The following RPA3 variants were observed in gnomAD, a reference collection of about 807,000 sequenced individuals.
RPA3 encodes replication protein A 14 kDa subunit.
A neutral mutation model predicts 13.7 loss-of-function variants in RPA3; 24 were observed. The observed-to-expected ratio is 1.75, with a 90% CI of 1.27 to 2.46. The LOEUF (loss-of-function observed/expected upper bound fraction) is 2.46, where lower values mean the gene tolerates loss of function less well. Ranked by LOEUF, RPA3 falls within the 30% of genes most tolerant of loss-of-function variation. The probability of loss-of-function intolerance (pLI) is 0.00; values close to 1 mark genes in which losing one functional copy is unlikely to be tolerated. For missense variants in RPA3, 183 were observed against 151.0 expected, an observed-to-expected ratio of 1.21 and a Z score of -1.11; for synonymous variants, 59 against 51.2, an observed-to-expected ratio of 1.15 and a Z score of -0.65.
chr7:7,695,385 G>C (rs1014480663), intron 2 of RPA3, among the ~76,000 whole-genome samples: 147 of 152,328 alleles, frequency 9.7e-4, no homozygotes, highest in Non-Finnish European at 1.1e-3. Context: ...AGGCTGTAGA[G>C]AGAGAAAAAT....
intron 4 of RPA3, among the ~76,000 whole-genome samples, chr7:7,650,323 T>C (rs1785196618): frequency 6.6e-6 from 1 of 152,244 alleles, no homozygotes; most frequent in African/African-American, 2.4e-5. Flanking sequence ...TCAGTTCATG[T>C]TTGTTTTTCT....
At chr7:7,668,685 C>A (rs1167508863) in intron 4 of RPA3, among the ~76,000 whole-genome samples, 2 of 152,100 alleles carry the variant, frequency 1.3e-5, no homozygotes, top group Non-Finnish European at 2.9e-5. Context: ...AAAAACATCA[C>A]CAACTTCTAA....
chr7:7,653,754 T>G (rs1486780678), intron 4 of RPA3, among the ~76,000 whole-genome samples: 1 of 152,200 alleles, frequency 6.6e-6, no homozygotes, highest in East Asian at 1.9e-4. Context: ...TCTTGTAATG[T>G]CTTGGTTCTC....
chr7:7,702,931 T>C (rs1410720314), intron 2 of RPA3, among the ~76,000 whole-genome samples: 1 of 152,244 alleles, frequency 6.6e-6, no homozygotes, highest in Non-Finnish European at 1.5e-5. Context: ...AAATCATTTA[T>C]TTTTCACTTG....
intron 4 of RPA3, among the ~76,000 whole-genome samples, chr7:7,683,055 A>T (rs1057465493): frequency 6.6e-6 from 1 of 152,190 alleles, no homozygotes; most frequent in Non-Finnish European, 1.5e-5. Context: ...AACTCCTTGA[A>T]TGTACAGTGA....
At chr7:7,711,463 C>CA (rs1554318315) in intron 2 of RPA3, among the ~76,000 whole-genome samples, 2 of 152,052 alleles carry the variant, frequency 1.3e-5, no homozygotes, top group African/African-American at 4.8e-5. Context: ...ATACTCTATC[C>CA]TTTTTAAGGA....
At chr7:7,671,590 T>C (rs1172341731) in intron 4 of RPA3, among the ~76,000 whole-genome samples, 1 of 152,222 alleles carries the variant, frequency 6.6e-6, no homozygotes, top group Non-Finnish European at 1.5e-5. Flanking sequence ...TAATTTGAAA[T>C]CTATTGTCTT....
At chr7:7,673,672 C>A (rs1308046250) in intron 4 of RPA3, among the ~76,000 whole-genome samples, 1 of 150,982 alleles carries the variant, frequency 6.6e-6, no homozygotes, top group South Asian at 2.1e-4. Context: ...TGGCTGTGTT[C>A]TCCAAGTTAA....
At chr7:7,650,526 T>C (rs188370153) in intron 4 of RPA3, among the ~76,000 whole-genome samples, 1 of 152,348 alleles carries the variant, frequency 6.6e-6, no homozygotes, top group Non-Finnish European at 1.5e-5. Context: ...TCCTCAGTTG[T>C]AACAGGATGG....
chr7:7,656,532 G>T (rs1412283029), intron 4 of RPA3, among the ~76,000 whole-genome samples: 1 of 152,032 alleles, frequency 6.6e-6, no homozygotes, highest in African/African-American at 2.4e-5. Flanking sequence ...TGTTCTCATT[G>T]CTCAACTCCC....
At chr7:7,689,162 T>A (rs1780111908) in intron 2 of RPA3, among the ~76,000 whole-genome samples, 1 of 152,054 alleles carries the variant, frequency 6.6e-6, no homozygotes, top group South Asian at 2.1e-4. Flanking sequence ...TTGCCAGTGA[T>A]TGGCTTAGGA....
chr7:7,699,159 C>A (rs113853974), intron 2 of RPA3, among the ~76,000 whole-genome samples: 4 of 152,002 alleles, frequency 2.6e-5, no homozygotes, highest in African/African-American at 9.6e-5. Flanking sequence ...TGGCTGGGTT[C>A]CCCCAACTCT....
intron 4 of RPA3, among the ~76,000 whole-genome samples, chr7:7,663,516 A>AG (rs1491443935): frequency 1.3e-5 from 2 of 151,746 alleles, no homozygotes; most frequent in African/African-American, 4.9e-5. Flanking sequence ...ACGGAAAAAC[A>AG]GGGGGAGAGT....
At chr7:7,689,589 T>C (rs910228787) in intron 2 of RPA3, 2 of 152,206 alleles carry the variant, frequency 1.3e-5, no homozygotes, top group African/African-American at 4.8e-5. Flanking sequence ...GATAATCTTT[T>C]CTTGGTAGAG....
At chr7:7,646,045 G>T (rs1287827196) in intron 4 of RPA3, among the ~76,000 whole-genome samples, 1 of 152,164 alleles carries the variant, frequency 6.6e-6, no homozygotes. Context: ...TGGGGTGAGT[G>T]ATTTGGGCCT....
At chr7:7,646,778 A>G (rs959546550) in intron 4 of RPA3, among the ~76,000 whole-genome samples, 1 of 151,762 alleles carries the variant, frequency 6.6e-6, no homozygotes, top group Non-Finnish European at 1.5e-5. Flanking sequence ...TCCCCTCGAC[A>G]CTCAGATGCT....
At chr7:7,654,026 C>T (rs1785285567) in intron 4 of RPA3, among the ~76,000 whole-genome samples, 1 of 152,152 alleles carries the variant, frequency 6.6e-6, no homozygotes, top group Non-Finnish European at 1.5e-5. Flanking sequence ...CTTTATTATT[C>T]CGTTCTGTTT....
chr7:7,653,830 A>G (rs1785281556), intron 4 of RPA3, among the ~76,000 whole-genome samples: 1 of 152,228 alleles, frequency 6.6e-6, no homozygotes, highest in Non-Finnish European at 1.5e-5. Context: ...TGGTTGTCAC[A>G]GCTGGGGGAT....
chr7:7,637,133 A>G (rs771488144), intron 7 of RPA3, 51 bp from the exon 8 acceptor site: 1 of 1,187,758 alleles, frequency 8.4e-7, no homozygotes. Context: ...AAGTTGTAAC[A>G]TCAATTATTA....
Sources: allele counts gnomAD v4.1 joint callset (sites outside exome capture counted in the v4.1 genomes callset), GRCh38; gene constraint gnomAD v4.1.1; transcripts MANE v1.5; gene names NCBI Gene and HGNC (gene_info 2026-07-23, HGNC 2026-07-21).